The following MAGI2 variants were observed in gnomAD, a reference collection of about 807,000 sequenced individuals.
The protein encoded by MAGI2 is membrane associated guanylate kinase, WW and PDZ domain containing 2.
Under a neutral mutation model 133.3 loss-of-function variants are expected in MAGI2, and 35 were observed. The observed-to-expected ratio is 0.26, with a 90% CI of 0.20 to 0.35. MAGI2 has a LOEUF of 0.35. Ranked by LOEUF, MAGI2 falls within the 10% of genes least tolerant of loss-of-function variation. The pLI is 1.00. For missense variants in MAGI2, 1,636 were observed against 1,863.4 expected (o/e 0.88, Z 2.25); for synonymous variants, 729 against 710.6 (o/e 1.03, Z -0.41).
chr7:78,549,560 C>T (rs62468614), intron 3 of MAGI2, among the ~76,000 whole-genome samples: 9,371 of 152,072 alleles, frequency 0.062, 393 homozygotes, highest in Middle Eastern at 0.13. Context: ...CATAGTGCTC[C>T]ATGGAGTGCT....
chr7:78,372,662 T>C (rs1378221199), intron 6 of MAGI2, among the ~76,000 whole-genome samples: 3 of 152,164 alleles, frequency 2.0e-5, no homozygotes, highest in Admixed American at 6.6e-5. Flanking sequence ...ATTCAGTGAT[T>C]AAATATTCCT....
chr7:78,989,706 A>G (rs1446922014), intron 2 of MAGI2, among the ~76,000 whole-genome samples: 7 of 152,108 alleles, frequency 4.6e-5, no homozygotes, highest in Admixed American at 4.6e-4. Context: ...CTGCCTTTAA[A>G]TATATACATA....
chr7:79,185,516 A>ATTTTT (rs71095383), intron 1 of MAGI2, among the ~76,000 whole-genome samples: 4 of 126,592 alleles, frequency 3.2e-5, no homozygotes, highest in East Asian at 2.3e-4. Context: ...CAATTTGGTC[A>ATTTTT]TTTTTTTTTT....
chr7:79,098,043 A>C (rs576913763), intron 1 of MAGI2, among the ~76,000 whole-genome samples: 2 of 152,258 alleles, frequency 1.3e-5, no homozygotes, highest in East Asian at 3.9e-4. Context: ...AATCACTTGA[A>C]TCCGGGAGGC....
chr7:79,268,704 T>C (rs535318792), intron 1 of MAGI2, among the ~76,000 whole-genome samples: 2 of 152,330 alleles, frequency 1.3e-5, no homozygotes, highest in East Asian at 3.9e-4. Flanking sequence ...TTAGTATTTG[T>C]GGCCTTTTTG....
chr7:78,456,914 C>G (rs989770837), intron 6 of MAGI2: 1 of 152,132 alleles, frequency 6.6e-6, no homozygotes, highest in African/African-American at 2.4e-5. Context: ...GATGGTTTAC[C>G]TTTTCCTACA....
intron 21 of MAGI2, chr7:78,026,176 T>C (rs1307537960): frequency 6.6e-6 from 1 of 152,378 alleles, no homozygotes; most frequent in Non-Finnish European, 1.5e-5. Context: ...CACCCCATTA[T>C]GTTTTAGTTA....
intron 6 of MAGI2, among the ~76,000 whole-genome samples, chr7:78,450,541 G>A (rs973391159): frequency 2.6e-5 from 4 of 152,098 alleles, no homozygotes; most frequent in African/African-American, 9.7e-5. Flanking sequence ...GTGTTTTTTA[G>A]ACAGGATGCT....
chr7:78,188,765 C>T (rs1827936696), intron 12 of MAGI2, among the ~76,000 whole-genome samples: 1 of 152,114 alleles, frequency 6.6e-6, no homozygotes, highest in Non-Finnish European at 1.5e-5. Context: ...TAATAGCTGC[C>T]TGTAGCTATG....
chr7:79,054,467 T>C (rs747160189), intron 1 of MAGI2, among the ~76,000 whole-genome samples: 8 of 152,154 alleles, frequency 5.3e-5, no homozygotes, highest in Non-Finnish European at 1.0e-4. Context: ...ATTCTTTCTG[T>C]TACCTGAGTT....
intron 8 of MAGI2, among the ~76,000 whole-genome samples, chr7:78,344,731 A>T (rs1191169608): frequency 1.3e-5 from 2 of 152,214 alleles, no homozygotes; most frequent in Non-Finnish European, 2.9e-5. Flanking sequence ...ATTTTGTCAC[A>T]ATATGTTGAT....
intron 4 of MAGI2, among the ~76,000 whole-genome samples, chr7:78,502,246 G>A (rs1390853406): frequency 6.6e-6 from 1 of 152,132 alleles, no homozygotes; most frequent in Non-Finnish European, 1.5e-5. Flanking sequence ...GTCCTTAAAA[G>A]TGAAAAAAGT....
intron 3 of MAGI2, chr7:78,618,198 T>G (rs1312225775): frequency 6.6e-6 from 1 of 152,006 alleles, no homozygotes; most frequent in Non-Finnish European, 1.5e-5. Flanking sequence ...AGCCACTGCT[T>G]ATATCTATGG....
intron 1 of MAGI2, 102 bp downstream of exon 1, chr7:79,452,918 G>C: frequency 3.1e-6 from 4 of 1,291,588 alleles, no homozygotes; most frequent in East Asian, 2.5e-5. Flanking sequence ...CCCCATCATC[G>C]CGCAACACAC....
intron 1 of MAGI2, among the ~76,000 whole-genome samples, chr7:79,168,495 G>A (rs1335735197): frequency 1.3e-5 from 2 of 151,966 alleles, no homozygotes; most frequent in Admixed American, 1.3e-4. Context: ...GTCCCTGAAA[G>A]GTCTTTAGCT....
chr7:78,029,455 G>A (rs1809325870), intron 21 of MAGI2, among the ~76,000 whole-genome samples: 1 of 152,198 alleles, frequency 6.6e-6, no homozygotes, highest in South Asian at 2.1e-4. Context: ...TTTCAGACCT[G>A]TTTAGAAAGC....
intron 21 of MAGI2, among the ~76,000 whole-genome samples, chr7:78,036,862 C>T (rs1810283168): frequency 6.6e-6 from 1 of 152,230 alleles, no homozygotes; most frequent in Admixed American, 6.5e-5. Flanking sequence ...AATCCACCCT[C>T]TTTGGCCTCC....
In MAGI2 at chr7:78,132,961, G is replaced by A. The variant is rs773469969; in HGVS notation, c.3131C>T (p.Pro1044Leu). The A allele has an allele frequency of 3.1e-6, 5 of 1,613,640 alleles. No individual in the cohort carries two copies. The highest frequency in any genetic ancestry group is 8.5e-7 in the Non-Finnish European group (1 of 1,179,862). Residue 1044 changes from proline (P) to leucine (L), a missense_variant, in exon 18 of 22, where the codon CCA becomes CTA. Pro to Leu is a moderately conservative substitution (Grantham distance 98). Transcript: ENST00000354212. The stretch of plus-strand genomic sequence containing the variant: ...GGCGATGGGGCTGTTGGGGGTGGCT[G>A]GGCTTGGCTGGGCCAGGGGACTCTG... ...AQQSPLAQPS[P>L]ATPNSPIAQP...
intron 1 of MAGI2, among the ~76,000 whole-genome samples, chr7:79,021,912 T>C (rs1400368554): frequency 2.0e-5 from 3 of 152,272 alleles, no homozygotes; most frequent in Middle Eastern, 3.4e-3. Flanking sequence ...CAGGTGGAGA[T>C]AATTGAATCA....
Sources: gnomAD v4.1 joint callset for allele counts (sites outside exome capture counted in the v4.1 genomes callset) on GRCh38, gnomAD v4.1.1 for gene constraint, MANE v1.5 for transcripts, NCBI Gene and HGNC (gene_info 2026-07-23, HGNC 2026-07-21) for gene names.